The following SFMBT2 variants were observed in gnomAD, a reference collection of about 807,000 sequenced individuals.
SFMBT2 encodes Scm like with four mbt domains 2.
A neutral mutation model predicts 110.1 loss-of-function variants in SFMBT2; 38 were observed. The ratio of observed to expected loss-of-function variants is 0.35; its 90% confidence interval spans 0.27 to 0.45. The LOEUF is 0.45. Ranked by LOEUF, SFMBT2 falls within the 20% of genes least tolerant of loss-of-function variation. The pLI is 1.00. For missense variants in SFMBT2, 1,011 were observed against 1,094.9 expected, an observed-to-expected ratio of 0.92 and a Z score of 1.08; for synonymous variants, 425 against 425.4, an observed-to-expected ratio of 1.00 and a Z score of 0.01.
intron 4 of SFMBT2, among the ~76,000 whole-genome samples, chr10:7,312,655 C>T (rs1009586561): frequency 6.6e-6 from 1 of 151,962 alleles, no homozygotes; most frequent in Non-Finnish European, 1.5e-5. Context: ...TGCAACTGCC[C>T]GGAGACCTCT....
intron 4 of SFMBT2, among the ~76,000 whole-genome samples, chr10:7,349,440 CTTTTTTTTTTTT>C (rs369479041): frequency 4.3e-5 from 2 of 46,888 alleles, no homozygotes; most frequent in Non-Finnish European, 3.5e-5. Context: ...CTTTTCTTTT[CTTTTTTTTTTTT>C]TTTTTTTTTT....
intron 4 of SFMBT2, among the ~76,000 whole-genome samples, chr10:7,315,069 A>AG (rs1842964497): frequency 8.4e-5 from 12 of 143,592 alleles, no homozygotes; most frequent in African/African-American, 3.1e-4. Context: ...AGAAAGAAAG[A>AG]AAGAAAGAAA....
At chr10:7,381,758 T>C (rs1424417338) in intron 2 of SFMBT2, 41 bp downstream of exon 2, 3 of 1,599,094 alleles carry the variant, frequency 1.9e-6, no homozygotes, top group Non-Finnish European at 2.6e-6. Flanking sequence ...TATTGATCAA[T>C]TCATCAAAAA....
At chr10:7,375,979 C>T (rs1845196449) in intron 2 of SFMBT2, among the ~76,000 whole-genome samples, 2 of 152,090 alleles carry the variant, frequency 1.3e-5, no homozygotes, top group Non-Finnish European at 2.9e-5. Flanking sequence ...CAGTTAATAC[C>T]AAATGCCAAG....
chr10:7,404,709 C>T (rs1356037550), intron 1 of SFMBT2, among the ~76,000 whole-genome samples: 3 of 152,200 alleles, frequency 2.0e-5, no homozygotes, highest in Admixed American at 6.5e-5. Context: ...GAATGGAAGC[C>T]TAGACGTGTC....
chr10:7,229,656 G>A (rs1343937149), intron 9 of SFMBT2, among the ~76,000 whole-genome samples: 18 of 149,740 alleles, frequency 1.2e-4, no homozygotes, highest in Non-Finnish European at 1.8e-4. Flanking sequence ...GCCTCCACTT[G>A]TATTCCCAAG....
chr10:7,245,042 C>T (rs1840563564), intron 8 of SFMBT2, among the ~76,000 whole-genome samples: 1 of 152,094 alleles, frequency 6.6e-6, no homozygotes, highest in Non-Finnish European at 1.5e-5. Context: ...AAAACTGATG[C>T]ACGGCGATCT....
chr10:7,366,554 T>A (rs971782138), intron 4 of SFMBT2, among the ~76,000 whole-genome samples: 1 of 152,056 alleles, frequency 6.6e-6, no homozygotes, highest in Non-Finnish European at 1.5e-5. Flanking sequence ...CACTTCAAGA[T>A]GAAAACAGGC....
chr10:7,250,454 T>C (rs1840768635), intron 7 of SFMBT2, among the ~76,000 whole-genome samples: 1 of 152,234 alleles, frequency 6.6e-6, no homozygotes, highest in African/African-American at 2.4e-5. Context: ...TTCCATGGTA[T>C]ATATGTACCA....
chr10:7,350,208 G>A (rs1844267633), intron 4 of SFMBT2, among the ~76,000 whole-genome samples: 1 of 150,892 alleles, frequency 6.6e-6, no homozygotes, highest in Admixed American at 6.6e-5. Flanking sequence ...TTTTTTCCAT[G>A]GGGTCCATCC....
intron 11 of SFMBT2, chr10:7,214,682 T>C (rs907265674): frequency 3.1e-5 from 31 of 985,294 alleles, no homozygotes; most frequent in African/African-American, 8.7e-5. Flanking sequence ...GTGAAGTTCG[T>C]GGTACAAGGA....
intron 1 of SFMBT2, among the ~76,000 whole-genome samples, chr10:7,385,746 T>C (rs1457791091): frequency 6.6e-6 from 1 of 152,190 alleles, no homozygotes; most frequent in East Asian, 1.9e-4. Flanking sequence ...ACGCCTGTAA[T>C]CCCAGCACTT....
intron 10 of SFMBT2, among the ~76,000 whole-genome samples, chr10:7,222,491 GA>G (rs1253623068): frequency 1.3e-5 from 2 of 152,150 alleles, no homozygotes; most frequent in African/African-American, 4.8e-5. Context: ...TTGACTTGTG[GA>G]TGTTGTCTTC....
Position 7,321,659 on chromosome 10 carries a change from T to C in SFMBT2, c.437-35705A>G, listed in dbSNP as rs75351580. 2.0e-5 allele frequency among the ~76,000 whole-genome samples: 3 copies of C among 152,336 alleles called. No homozygotes were observed. In the East Asian group the frequency reaches 5.8e-4, roughly 29 times the overall value. On this transcript the variant is annotated intron_variant, in intron 4 of 20. Transcript: ENST00000397167. The stretch of plus-strand genomic sequence containing the variant: ...GAATTCTTTAACACGAGAGTTTGTA[T>C]ATTTCTTAGTATAGTCAAAATGTCC...
chr10:7,356,963 G>A (rs1832427470), intron 4 of SFMBT2, among the ~76,000 whole-genome samples: 1 of 152,258 alleles, frequency 6.6e-6, no homozygotes, highest in Admixed American at 6.5e-5. Flanking sequence ...GAGACTCTCT[G>A]ACCTGCCACT....
At position 7,399,256 on chromosome 10, in the gene SFMBT2, G is replaced by A. The variant is rs145119971; in HGVS notation, c.-52+11605C>T. On this transcript the variant is annotated intron_variant, in intron 1 of 20. Coordinates refer to ENST00000397167, the MANE Select transcript of SFMBT2 (RefSeq NM_001387889.1). Reference sequence around the variant, plus strand: ...TTTTGTTTTGTTTTTTTTTTGAGACGGAGTCTCGCTCTGTCACCCAGGCTG... The same window carrying A: ...TTTTGTTTTGTTTTTTTTTTGAGACAGAGTCTCGCTCTGTCACCCAGGCTG... Among the ~76,000 whole-genome samples, 640 of 151,424 alleles carry A rather than the reference G, an allele frequency of 4.2e-3. 5 individuals carry two copies. The highest frequency in any genetic ancestry group is 0.014 in the African/African-American group (597 of 41,258).
At chr10:7,342,496 C>T (rs1588464035) in intron 4 of SFMBT2, among the ~76,000 whole-genome samples, 1 of 148,946 alleles carries the variant, frequency 6.7e-6, no homozygotes, top group Non-Finnish European at 1.5e-5. Context: ...GCAAACTCCG[C>T]CTCCCGGGTT....
At chr10:7,236,126 GAA>G (rs149890046) in intron 9 of SFMBT2, among the ~76,000 whole-genome samples, 17,389 of 151,836 alleles carry the variant, frequency 0.11, 1,148 homozygotes, top group African/African-American at 0.19. Context: ...AATAAGAAAT[GAA>G]AAGAAATCCC....
chr10:7,206,623 G>T, intron 11 of SFMBT2: 2 of 959,342 alleles, frequency 2.1e-6, no homozygotes, highest in Non-Finnish European at 2.5e-6. Context: ...TGTGGGACCT[G>T]ATGACTGTCA....
Sources: allele counts gnomAD v4.1 joint callset (sites outside exome capture counted in the v4.1 genomes callset), GRCh38; gene constraint gnomAD v4.1.1; transcripts MANE v1.5; gene names NCBI Gene and HGNC (gene_info 2026-07-23, HGNC 2026-07-21).